Variants in B4GALT1 observed in about 807,000 individuals in gnomAD.
B4GALT1 encodes the protein beta-1,4-galactosyltransferase 1.
In B4GALT1, 16 loss-of-function variants were observed where a neutral mutation model predicts 34.9. That is an observed-to-expected ratio of 0.46 (90% CI 0.31 to 0.70). The LOEUF is 0.70. B4GALT1 is among the 30% of genes least tolerant of loss of function. The pLI is 0.05. For missense variants in B4GALT1, 445 were observed against 530.5 expected, an observed-to-expected ratio of 0.84 and a Z score of 1.58; for synonymous variants, 221 against 218.1, an observed-to-expected ratio of 1.01 and a Z score of -0.12.
chr9:33,108,423 G>C (rs372091110), downstream of B4GALT1, among the ~76,000 whole-genome samples: 6 of 145,400 alleles, frequency 4.1e-5, no homozygotes, highest in African/African-American at 1.5e-4. Context: ...GACCAGCCTG[G>C]TCAACATATT....
intron 1 of B4GALT1, among the ~76,000 whole-genome samples, chr9:33,161,243 C>T (rs1840671075): frequency 6.6e-6 from 1 of 152,174 alleles, no homozygotes; most frequent in Non-Finnish European, 1.5e-5. Flanking sequence ...ACCTGAAGCA[C>T]TGAGTGTGTG....
chr9:33,145,961 GC>G (rs1840419128), intron 1 of B4GALT1, among the ~76,000 whole-genome samples: 1 of 152,194 alleles, frequency 6.6e-6, no homozygotes, highest in African/African-American at 2.4e-5. Context: ...ATTCTGTGGG[GC>G]AGTAGAAGCA....
intron 1 of B4GALT1, among the ~76,000 whole-genome samples, chr9:33,164,595 T>C (rs1027048749): frequency 5.1e-4 from 78 of 152,168 alleles, no homozygotes; most frequent in Middle Eastern, 3.2e-3. Context: ...ATAGTCCATT[T>C]AGAAACACCA....
chr9:33,123,689 T>C (rs746572993), intron 2 of B4GALT1, among the ~76,000 whole-genome samples: 18 of 152,180 alleles, frequency 1.2e-4, no homozygotes, highest in Non-Finnish European at 2.4e-4. Context: ...GCCTTGGCTG[T>C]TTGATCTAAG....
intron 1 of B4GALT1, among the ~76,000 whole-genome samples, chr9:33,154,397 G>C (rs1840567322): frequency 6.6e-6 from 1 of 152,158 alleles, no homozygotes. Flanking sequence ...ATTCTTAATA[G>C]TCAAAGACTG....
At chr9:33,161,023 CT>C (rs1840667428) in intron 1 of B4GALT1, among the ~76,000 whole-genome samples, 2 of 146,166 alleles carry the variant, frequency 1.4e-5, no homozygotes, top group Non-Finnish European at 3.0e-5. Context: ...GCAAGTCATT[CT>C]CTCTCTCTCT....
rs202081755 is a variant in B4GALT1, at chr9:33,113,403, A to G, written c.*51T>C. Reference sequence around the variant, plus strand: ...CAGCCCAGCAGATTGGCAGAGACACACAGCAGAGGTCCCTGGCTAATTTCA... The same window carrying G: ...CAGCCCAGCAGATTGGCAGAGACACGCAGCAGAGGTCCCTGGCTAATTTCA... On this transcript the variant is annotated 3_prime_UTR_variant, in exon 6 of 6. Coordinates refer to ENST00000379731, the MANE Select transcript of B4GALT1 (RefSeq NM_001497.4). The G allele has an allele frequency of 7.4e-5, 120 of 1,613,194 alleles. No homozygotes were observed. Among genetic ancestry groups the G allele is most frequent in the African/African-American group, 1.3e-5 (1 of 74,888 alleles).
At chr9:33,105,540 T>C (rs1401295529) in intron 2 of B4GALT1, among the ~76,000 whole-genome samples, 2 of 152,178 alleles carry the variant, frequency 1.3e-5, no homozygotes, top group Non-Finnish European at 2.9e-5. Flanking sequence ...TACATTCATA[T>C]TGTTGCACCA....
At chr9:33,151,799 C>A (rs1242290065) in intron 1 of B4GALT1, among the ~76,000 whole-genome samples, 1 of 152,132 alleles carries the variant, frequency 6.6e-6, no homozygotes, top group Admixed American at 6.5e-5. Context: ...AACTCTGGGA[C>A]CTTAAAGGGT....
chr9:33,165,433 G>C (rs977239957), intron 1 of B4GALT1, among the ~76,000 whole-genome samples: 1 of 152,166 alleles, frequency 6.6e-6, no homozygotes, highest in Admixed American at 6.5e-5. Flanking sequence ...CATTTTATGG[G>C]ACTAGTCTGC....
At chr9:33,169,144 A>G (rs1396398305), upstream of B4GALT1, among the ~76,000 whole-genome samples, 5 of 152,042 alleles carry the variant, frequency 3.3e-5, no homozygotes, top group Non-Finnish European at 7.4e-5. Flanking sequence ...CACCTCCTCC[A>G]TTCCTCCTCC....
At chr9:33,134,104 G>A (rs948717812) in intron 2 of B4GALT1, among the ~76,000 whole-genome samples, 1 of 152,136 alleles carries the variant, frequency 6.6e-6, no homozygotes, top group Non-Finnish European at 1.5e-5. Context: ...TGGAGGCTTC[G>A]GGACAGGGCA....
At chr9:33,126,509 G>A (rs1057052731) in intron 2 of B4GALT1, among the ~76,000 whole-genome samples, 2 of 106,982 alleles carry the variant, frequency 1.9e-5, no homozygotes, top group African/African-American at 6.3e-5. Context: ...TGAGCTCCTG[G>A]ACTCCAGCAA....
At chr9:33,154,840 T>G (rs1005249746) in intron 1 of B4GALT1, among the ~76,000 whole-genome samples, 5 of 152,134 alleles carry the variant, frequency 3.3e-5, no homozygotes, top group Non-Finnish European at 5.9e-5. Context: ...ATATTGAGTT[T>G]TTTTTTTTTA....
chr9:33,173,057 G>T, the B4GALT1 span, among the ~76,000 whole-genome samples: 1 of 152,126 alleles, frequency 6.6e-6, no homozygotes, highest in South Asian at 2.1e-4. Flanking sequence ...AGTACAGGGT[G>T]TTGAAGCCAA....
intron 1 of B4GALT1, among the ~76,000 whole-genome samples, chr9:33,163,816 T>C (rs1840709859): frequency 6.6e-6 from 1 of 152,178 alleles, no homozygotes; most frequent in Non-Finnish European, 1.5e-5. Flanking sequence ...AAGGATAGCA[T>C]AGCACCTGCA....
the B4GALT1 span, among the ~76,000 whole-genome samples, chr9:33,184,584 T>C: frequency 1.3e-5 from 2 of 152,188 alleles, no homozygotes; most frequent in Non-Finnish European, 2.9e-5. Flanking sequence ...CTCCAGGTGC[T>C]CACCAAACTT....
In B4GALT1 at chr9:33,120,493, C is replaced by A; in HGVS notation, c.762G>T (p.Met254Ile). Residue 254 changes from methionine to isoleucine, a missense_variant, in exon 3 of 6, where the codon ATG (methionine) becomes ATT (isoleucine). By Grantham distance (10) the Met-to-Ile change is conservative. Transcript: ENST00000379731. ...FVFSDVDLIP[M>I]NDHNAYRCFS... Reference sequence around the variant, plus strand: ...AACACCTGTACGCATTATGGTCATTCATTGGAATGAGGTCCACGTCACTAA... The same window carrying A: ...AACACCTGTACGCATTATGGTCATTAATTGGAATGAGGTCCACGTCACTAA... The A allele has an allele frequency of 6.2e-7, 1 of 1,614,180 alleles. No individual in the cohort carries two copies. Among genetic ancestry groups the A allele is most frequent in the East Asian group, 2.2e-5 (1 of 44,890 alleles).
intron 1 of B4GALT1, among the ~76,000 whole-genome samples, chr9:33,166,245 C>G (rs980730664): frequency 5.9e-5 from 9 of 152,192 alleles, no homozygotes; most frequent in Non-Finnish European, 1.3e-4. Flanking sequence ...ATATGAGGTT[C>G]AGAGAGAAGT....
Sources: gnomAD v4.1 joint callset for allele counts (sites outside exome capture counted in the v4.1 genomes callset) on GRCh38, gnomAD v4.1.1 for gene constraint, MANE v1.5 for transcripts, NCBI Gene and HGNC (gene_info 2026-07-23, HGNC 2026-07-21) for gene names.